The following RYR2 variants were observed in gnomAD, a reference collection of about 807,000 sequenced individuals.
RYR2 encodes ryanodine receptor 2.
In RYR2, 227 loss-of-function variants were observed where a neutral mutation model predicts 601.1. The observed-to-expected ratio is 0.38, with a 90% confidence interval of 0.34 to 0.42. The LOEUF (loss-of-function observed/expected upper bound fraction) is 0.42, where lower values mean the gene tolerates loss of function less well. Ranked by LOEUF, RYR2 falls within the 10% of genes least tolerant of loss-of-function variation. RYR2 has a pLI of 1.00. For missense variants in RYR2, 4,646 were observed against 6,156.5 expected (o/e 0.75, Z 8.21); for synonymous variants, 2,223 against 2,175.1 (o/e 1.02, Z -0.61).
intron 95 of RYR2, 87 bp downstream of exon 95, chr1:237,794,084 A>C (rs548013761): frequency 1.7e-6 from 2 of 1,151,016 alleles, no homozygotes; most frequent in Admixed American, 4.1e-5. Context: ...ATTTGTCAAA[A>C]GTTTAGCAGA....
intron 47 of RYR2, among the ~76,000 whole-genome samples, chr1:237,641,743 T>C (rs776594013): frequency 1.3e-5 from 2 of 152,164 alleles, no homozygotes; most frequent in Non-Finnish European, 2.9e-5. Flanking sequence ...GGTTTTGCCA[T>C]GTTGGCCAGG....
intron 10 of RYR2, among the ~76,000 whole-genome samples, chr1:237,412,585 C>T (rs904905674): frequency 1.3e-5 from 2 of 152,150 alleles, no homozygotes; most frequent in Non-Finnish European, 2.9e-5. Context: ...TCTTTTAGCA[C>T]ATACTCTTTT....
chr1:237,353,818 ATACT>A (rs1337949267), intron 3 of RYR2, among the ~76,000 whole-genome samples: 1 of 152,202 alleles, frequency 6.6e-6, no homozygotes, highest in Non-Finnish European at 1.5e-5. Flanking sequence ...AAAATTCCAC[ATACT>A]TGATTCAAGT....
intron 1 of RYR2, among the ~76,000 whole-genome samples, chr1:237,145,216 T>C (rs1558314097): frequency 6.6e-6 from 1 of 150,672 alleles, no homozygotes. Flanking sequence ...ACTTAAAGTA[T>C]AATAATAAAA....
intron 2 of RYR2, among the ~76,000 whole-genome samples, chr1:237,305,877 G>T (rs771524857): frequency 1.1e-4 from 16 of 152,074 alleles, no homozygotes; most frequent in Non-Finnish European, 1.9e-4. Flanking sequence ...TGGACTCATG[G>T]GTGTTAATTT....
chr1:237,266,618 T>C (rs1451532201), intron 1 of RYR2, among the ~76,000 whole-genome samples: 1 of 152,206 alleles, frequency 6.6e-6, no homozygotes, highest in Non-Finnish European at 1.5e-5. Flanking sequence ...AAATGTTCAG[T>C]ATATTTTACT....
At chr1:237,678,145 AAT>A (rs1409275203) in intron 61 of RYR2, 33 bp downstream of exon 61, 4 of 1,297,298 alleles carry the variant, frequency 3.1e-6, no homozygotes, top group Non-Finnish European at 3.3e-6. Flanking sequence ...TTTTTGCTTC[AAT>A]ATGTTTGTTT....
At chr1:237,771,685 T>C (rs928679653) in intron 85 of RYR2, among the ~76,000 whole-genome samples, 7 of 152,128 alleles carry the variant, frequency 4.6e-5, no homozygotes, top group African/African-American at 1.7e-4. Flanking sequence ...AATGAATAAA[T>C]AATTTCCTTC....
intron 1 of RYR2, among the ~76,000 whole-genome samples, chr1:237,230,510 G>A (rs1235836538): frequency 6.6e-6 from 1 of 152,132 alleles, no homozygotes. Context: ...AGCTTTTGTA[G>A]TATTCTGTTT....
At chr1:237,643,183 C>T (rs557706001) in intron 47 of RYR2, 144 bp from the exon 48 acceptor site, 1 of 966,052 alleles carries the variant, frequency 1.0e-6, no homozygotes, top group Non-Finnish European at 1.5e-6. Context: ...AGCCAGAAAA[C>T]TATTTCTGAG....
At chr1:237,700,557 C>T (rs1687879635) in intron 65 of RYR2, 90 bp downstream of exon 65, 3 of 666,806 alleles carry the variant, frequency 4.5e-6, no homozygotes, top group African/African-American at 1.8e-5. Context: ...ATCTGGGTTA[C>T]TAAAACACTG....
At chr1:237,353,493 A>C (rs1424633486) in intron 3 of RYR2, among the ~76,000 whole-genome samples, 5 of 143,740 alleles carry the variant, frequency 3.5e-5, no homozygotes, top group African/African-American at 5.1e-5. Context: ...TGGGTGACAG[A>C]GTGAGACTCC....
intron 54 of RYR2, among the ~76,000 whole-genome samples, 162 bp downstream of exon 54, chr1:237,658,184 G>A (rs907543662): frequency 1.3e-5 from 2 of 151,948 alleles, no homozygotes; most frequent in African/African-American, 4.8e-5. Flanking sequence ...ATAATATTTA[G>A]CTAGCTCTAT....
At chr1:237,740,894 T>G (rs1018949861) in intron 79 of RYR2, among the ~76,000 whole-genome samples, 11 of 152,200 alleles carry the variant, frequency 7.2e-5, no homozygotes, top group African/African-American at 2.7e-4. Flanking sequence ...ACAGTATGTA[T>G]TGATGGAGGA....
At chr1:237,609,579 G>A (rs1474751251) in intron 35 of RYR2, among the ~76,000 whole-genome samples, 1 of 151,982 alleles carries the variant, frequency 6.6e-6, no homozygotes, top group Non-Finnish European at 1.5e-5. Context: ...GGGCCAGGCT[G>A]GTCTTGTACT....
rs551929818 is a variant in RYR2, at chr1:237,249,991, C to T, written c.49-20506C>T. Among the ~76,000 whole-genome samples the T allele has an allele frequency of 1.2e-4, 18 of 152,220 alleles. No individual in the cohort carries two copies. In the South Asian group the frequency reaches 1.2e-3, roughly 11 times the overall value. On this transcript the variant is annotated intron_variant, in intron 1 of 104. Transcript: ENST00000366574. ...TGAGGAAATTCATCAGTCTACTCTT[C>T]GATTTACAGAGTGGTTTACACTTTG...
intron 104 of RYR2, among the ~76,000 whole-genome samples, chr1:237,832,045 C>T (rs1407560163): frequency 6.6e-6 from 1 of 151,954 alleles, no homozygotes; most frequent in Non-Finnish European, 1.5e-5. Context: ...TATATATACA[C>T]ACACACATAT....
rs534047841 is a variant in RYR2 at position 237,474,284 on chromosome 1, C to CACAT, written c.1708+5098_1708+5099insCATA. ...ATAGATACCTACACACACACACACA[C>CACAT]ATATATATATATACACACACACACA... is the stretch of plus-strand genomic sequence containing the variant. On this transcript the variant is annotated intron_variant, in intron 17 of 104. Transcript: ENST00000366574. 2.1e-3 allele frequency among the ~76,000 whole-genome samples: 103 copies of CACAT among 48,624 alleles called. 2 individuals carry two copies. In the East Asian group the frequency reaches 0.13, roughly 63 times the overall value. The allele number at this position is 48,624 out of a possible 152,430, so 31.9% of individuals were successfully genotyped here.
chr1:237,407,626 T>C (rs2149979161), intron 10 of RYR2, among the ~76,000 whole-genome samples: 1 of 150,282 alleles, frequency 6.7e-6, no homozygotes, highest in East Asian at 1.9e-4. Flanking sequence ...TTTTTTTTTT[T>C]TTTAAATTGA....
Sources: gnomAD v4.1 joint callset for allele counts (sites outside exome capture counted in the v4.1 genomes callset) on GRCh38, gnomAD v4.1.1 for gene constraint, MANE v1.5 for transcripts, NCBI Gene and HGNC (gene_info 2026-07-23, HGNC 2026-07-21) for gene names.